The following RBFOX1 variants were observed in gnomAD, a reference collection of about 807,000 sequenced individuals.
The protein encoded by RBFOX1 is RNA binding fox-1 homolog 1, also known as RNA binding protein fox-1 homolog 1.
Under a neutral mutation model 57.7 loss-of-function variants are expected in RBFOX1, and 8 were observed. The ratio of observed to expected loss-of-function variants is 0.14; its 90% CI spans 0.08 to 0.25. The LOEUF (loss-of-function observed/expected upper bound fraction) is 0.25. RBFOX1 is among the 10% of genes least tolerant of loss of function. The pLI is 1.00. For missense variants in RBFOX1, 611 were observed against 548.5 expected (o/e 1.11, Z -1.14); for synonymous variants, 326 against 222.4 (o/e 1.47, Z -4.15).
intron 3 of RBFOX1, among the ~76,000 whole-genome samples, chr16:6,780,545 C>CATATATATTTATATATTT (rs2080813924): frequency 1.8e-5 from 2 of 112,184 alleles, no homozygotes; most frequent in South Asian, 3.1e-4. Context: ...TATACATTTA[C>CATATATATTTATATATTT]ATATATATTT....
chr16:6,966,757 G>A (rs1263010562), intron 3 of RBFOX1, among the ~76,000 whole-genome samples: 1 of 99,844 alleles, frequency 1.0e-5, no homozygotes, highest in Admixed American at 9.9e-5. Context: ...CTATCTGTCT[G>A]TCTGTCTATC....
chr16:7,351,200 C>A (rs538345108), intron 4 of RBFOX1, among the ~76,000 whole-genome samples: 1 of 152,222 alleles, frequency 6.6e-6, no homozygotes, highest in Admixed American at 6.5e-5. Flanking sequence ...CCAGAGCCAG[C>A]CTCACTCACT....
chr16:6,423,135 C>A (rs576134300), intron 2 of RBFOX1, among the ~76,000 whole-genome samples: 22 of 152,282 alleles, frequency 1.4e-4, no homozygotes, highest in African/African-American at 5.3e-4. Context: ...ATTGTTTTTC[C>A]TCCCAGGTTG....
chr16:7,558,702 GGC>G (rs1479721124), intron 5 of RBFOX1, among the ~76,000 whole-genome samples: 2 of 152,072 alleles, frequency 1.3e-5, no homozygotes, highest in African/African-American at 4.8e-5. Flanking sequence ...AGCTACCCCA[GGC>G]TGACAAAATC....
intron 3 of RBFOX1, among the ~76,000 whole-genome samples, chr16:6,890,698 C>T (rs924264204): frequency 6.6e-6 from 1 of 152,116 alleles, no homozygotes; most frequent in Non-Finnish European, 1.5e-5. Flanking sequence ...CCTGGGATTT[C>T]CGTATGAATA....
chr16:7,494,093 G>A (rs1477501837), intron 4 of RBFOX1, among the ~76,000 whole-genome samples: 2 of 152,148 alleles, frequency 1.3e-5, no homozygotes, highest in Admixed American at 6.5e-5. Flanking sequence ...TCATGAGTTA[G>A]CAATGTCTAG....
chr16:5,382,382 C>T (rs1329932030), intron 1 of RBFOX1, among the ~76,000 whole-genome samples: 2 of 131,266 alleles, frequency 1.5e-5, no homozygotes, highest in South Asian at 2.5e-4. Context: ...TGAAATCATG[C>T]CATTTTCATC....
chr16:6,917,890 A>G (rs1341341022), intron 3 of RBFOX1, among the ~76,000 whole-genome samples: 1 of 152,166 alleles, frequency 6.6e-6, no homozygotes, highest in East Asian at 1.9e-4. Context: ...ACACAAGTCG[A>G]AAGAGGGACA....
At chr16:7,640,203 C>T (rs1381313879) in intron 11 of RBFOX1, among the ~76,000 whole-genome samples, 1 of 152,186 alleles carries the variant, frequency 6.6e-6, no homozygotes, top group Non-Finnish European at 1.5e-5. Flanking sequence ...AATCATAACC[C>T]ACTTTGTTGT....
At chr16:5,530,814 G>A (rs751292524) in intron 2 of RBFOX1, among the ~76,000 whole-genome samples, 21 of 151,974 alleles carry the variant, frequency 1.4e-4, no homozygotes, top group South Asian at 6.2e-4. Context: ...CAGCCCAGGC[G>A]TGGTGGCTCA....
In RBFOX1 at chr16:5,454,935, CTTCCTTCCTTCCT is replaced by C. The variant is rs1567535637; in HGVS notation, c.220-12279_220-12267del. 7.2e-4 allele frequency among the ~76,000 whole-genome samples: 29 copies of C among 40,170 alleles called. No homozygotes were observed. The East Asian group carries it at 0.015, about 21-fold the overall frequency. 26.4% of individuals were successfully genotyped at this position (40,170 alleles called of 152,430 possible). A position where few individuals can be genotyped will look rare whatever the true frequency, so the allele number is the denominator to read the frequency against. ...CTTTCCTTTGTTTCTTTCTTCCTTCCTTCCTTCCTTCCTTCCTTCCTTCCTTTCTTTCTTTCTT... is the reference window on the plus strand; with the variant it reads ...CTTTCCTTTGTTTCTTTCTTCCTTCCTCCTTCCTTCCTTTCTTTCTTTCTT... On this transcript the variant is annotated intron_variant, in intron 1 of 2. Coordinates refer to the RBFOX1 transcript ENST00000585867.
At chr16:6,824,983 G>GTTTTTTGT (rs2091915909) in intron 3 of RBFOX1, among the ~76,000 whole-genome samples, 3 of 36,878 alleles carry the variant, frequency 8.1e-5, no homozygotes, top group Non-Finnish European at 1.2e-4. Flanking sequence ...TTCTTTCTTG[G>GTTTTTTGT]TTTTTTTTTT....
intron 1 of RBFOX1, among the ~76,000 whole-genome samples, chr16:5,317,658 C>G (rs978078579): frequency 6.6e-6 from 1 of 152,044 alleles, no homozygotes; most frequent in South Asian, 2.1e-4. Flanking sequence ...AAAAAGCATC[C>G]CTGAAAGTGC....
At chr16:6,621,503 C>T (rs2098231187) in intron 2 of RBFOX1, among the ~76,000 whole-genome samples, 1 of 152,066 alleles carries the variant, frequency 6.6e-6, no homozygotes, top group Non-Finnish European at 1.5e-5. Context: ...AAACAGTAGT[C>T]ATTAGTGTCA....
intron 3 of RBFOX1, among the ~76,000 whole-genome samples, chr16:6,760,407 C>G (rs1275952717): frequency 6.6e-6 from 1 of 152,140 alleles, no homozygotes; most frequent in East Asian, 1.9e-4. Context: ...TCTTTTAACT[C>G]TTGCTCTTAC....
chr16:7,580,275 C>A (rs1245110273), intron 6 of RBFOX1, among the ~76,000 whole-genome samples: 1 of 152,098 alleles, frequency 6.6e-6, no homozygotes, highest in Admixed American at 6.5e-5. Flanking sequence ...CACATCGAGT[C>A]CTCTTGGTTT....
At chr16:7,028,214 T>G (rs1366943212) in intron 3 of RBFOX1, among the ~76,000 whole-genome samples, 1 of 152,100 alleles carries the variant, frequency 6.6e-6, no homozygotes, top group Non-Finnish European at 1.5e-5. Flanking sequence ...CCAAGATTCA[T>G]TAGTCCAGCT....
At chr16:7,446,130 CTAAT>C (rs1367031047) in intron 4 of RBFOX1, among the ~76,000 whole-genome samples, 4 of 152,154 alleles carry the variant, frequency 2.6e-5, no homozygotes, top group African/African-American at 9.7e-5. Context: ...TGTGAAATGA[CTAAT>C]TAACACCAGA....
At chr16:6,928,717 A>G (rs1214520236) in intron 3 of RBFOX1, among the ~76,000 whole-genome samples, 2 of 152,164 alleles carry the variant, frequency 1.3e-5, no homozygotes, top group African/African-American at 2.4e-5. Context: ...AAAGATTAAA[A>G]TGTCTGCCAA....
Sources: gnomAD v4.1 joint callset for allele counts (sites outside exome capture counted in the v4.1 genomes callset) on GRCh38, gnomAD v4.1.1 for gene constraint, MANE v1.5 for transcripts, NCBI Gene and HGNC (gene_info 2026-07-23, HGNC 2026-07-21) for gene names.